Variants in SP4 observed in about 807,000 individuals in gnomAD.
SP4 encodes the protein transcription factor Sp4.
SP4 carries 19 observed loss-of-function variants against 72.8 expected under a neutral mutation model. The ratio of observed to expected loss-of-function variants is 0.26; its 90% CI spans 0.18 to 0.38. The LOEUF (loss-of-function observed/expected upper bound fraction) is 0.38. SP4 is among the 10% of genes least tolerant of loss of function. SP4 has a pLI of 1.00. For synonymous variants in SP4, 395 were observed against 333.1 expected, an observed-to-expected ratio of 1.19 and a Z score of -2.02; for missense variants, 1,008 against 926.3, an observed-to-expected ratio of 1.09 and a Z score of -1.14.
At chr7:21,482,710 T>C in intron 5 of SP4, 1 of 976,406 alleles carries the variant, frequency 1.0e-6, no homozygotes, top group Non-Finnish European at 1.2e-6. Context: ...ACACTTTTAA[T>C]ACTCTGACAT....
intron 3 of SP4, among the ~76,000 whole-genome samples, chr7:21,446,823 C>CTTT (rs34433968): frequency 3.1e-4 from 46 of 148,460 alleles, no homozygotes; most frequent in African/African-American, 8.4e-4. Context: ...TTGACAAATT[C>CTTT]TTTTTTTTTT....
At position 21,513,361 on chromosome 7, in the gene SP4, C is replaced by A. The variant is rs1782195689; in HGVS notation, c.*2092C>A. The stretch of plus-strand genomic sequence containing the variant: ...TCTTAAAGCTTTTGTAGACTTGTAA[C>A]AGAGTCTTTAAATTTAAGTTGGATT... On this transcript the variant is annotated 3_prime_UTR_variant, in exon 6 of 6. Transcript: ENST00000222584. 1 of 152,536 alleles carries A rather than the reference C, an allele frequency of 6.6e-6. No homozygotes were observed. The highest frequency in any genetic ancestry group is 2.4e-5 in the African/African-American group (1 of 41,432). 9.4% of individuals were successfully genotyped at this position (152,536 alleles called of 1,614,324 possible). A position where few individuals can be genotyped will look rare whatever the true frequency, so the allele number is the denominator to read the frequency against.
chr7:21,501,372 G>A (rs1781859077), intron 5 of SP4, among the ~76,000 whole-genome samples: 1 of 151,950 alleles, frequency 6.6e-6, no homozygotes, highest in African/African-American at 2.4e-5. Context: ...ACTTCCTTCG[G>A]TCTCATTTTC....
At chr7:21,439,117 A>G (rs370850497) in intron 3 of SP4, among the ~76,000 whole-genome samples, 1 of 152,160 alleles carries the variant, frequency 6.6e-6, no homozygotes, top group African/African-American at 2.4e-5. Context: ...CCCTCTGATA[A>G]GGGGGGACTG....
chr7:21,457,083 C>T (rs999393538), intron 3 of SP4, among the ~76,000 whole-genome samples: 1 of 152,166 alleles, frequency 6.6e-6, no homozygotes, highest in Non-Finnish European at 1.5e-5. Flanking sequence ...CACATGTCAC[C>T]AAAGTATGTA....
rs77546183 is a variant in SP4, at chr7:21,434,959, A to G, written c.1678+4116A>G. On this transcript the variant is annotated intron_variant, in intron 3 of 5. Transcript: ENST00000222584. ...GCTCCTTTATTTTAACTAAGTGAGG[A>G]GAGTTAACTACCTGTTTTCACAATG... is the stretch of plus-strand genomic sequence containing the variant. 1.3e-4 allele frequency among the ~76,000 whole-genome samples: 20 copies of G among 152,320 alleles called. No homozygotes were observed. In the East Asian group the frequency reaches 3.9e-3, roughly 29 times the overall value.
In SP4 at chr7:21,428,128, C is replaced by T; in HGVS notation, c.-124C>T. ...CGCGGAAAAAGAGGCAGAGCCTGTG[C>T]CAGCTACAGCCTCCTCCGAGCCACC... On this transcript the variant is annotated 5_prime_UTR_variant, in exon 1 of 6. Coordinates refer to ENST00000222584, the MANE Select transcript of SP4 (RefSeq NM_003112.5). The T allele has an allele frequency of 1.4e-6, 1 of 712,908 alleles. No individual in the cohort carries two copies. The highest frequency in any genetic ancestry group is 1.5e-5 in the South Asian group (1 of 67,040). The allele number at this position is 712,908 out of a possible 1,614,324, so 44.2% of individuals were successfully genotyped here.
chr7:21,457,292 T>C (rs1783797019), intron 3 of SP4, among the ~76,000 whole-genome samples: 1 of 152,210 alleles, frequency 6.6e-6, no homozygotes, highest in South Asian at 2.1e-4. Context: ...GATGCTCTTA[T>C]TGCCCCAACT....
At chr7:21,468,347 T>A (rs1015052495) in intron 3 of SP4, among the ~76,000 whole-genome samples, 1 of 152,150 alleles carries the variant, frequency 6.6e-6, no homozygotes, top group African/African-American at 2.4e-5. Context: ...TAGAATAATT[T>A]TGGAAGAATT....
At chr7:21,475,117 T>G (rs2128408680) in intron 3 of SP4, among the ~76,000 whole-genome samples, 1 of 151,850 alleles carries the variant, frequency 6.6e-6, no homozygotes, top group Non-Finnish European at 1.5e-5. Context: ...TTTTTTGTTT[T>G]TTGTTTTTTT....
In SP4 at chr7:21,494,401, A is replaced by C. The variant is rs74605753; in HGVS notation, c.2107+12278A>C. Among the ~76,000 whole-genome samples, 587 of 152,318 alleles carry C rather than the reference A, an allele frequency of 3.9e-3. 3 individuals carry two copies. Among genetic ancestry groups the C allele is most frequent in the African/African-American group, 0.013 (530 of 41,584 alleles). ...TAGCAAATCCGTGGTGCCTACCAAA[A>C]AGCTTTTTGAACTAGTGAGTTTGGC... On this transcript the variant is annotated intron_variant, in intron 5 of 5. Transcript: ENST00000222584.
chr7:21,483,089 T>A (rs966546992), intron 5 of SP4, among the ~76,000 whole-genome samples: 1 of 152,116 alleles, frequency 6.6e-6, no homozygotes, highest in African/African-American at 2.4e-5. Flanking sequence ...AGTTTCCACT[T>A]TGTGCTCACC....
At chr7:21,472,499 C>G (rs1453331362) in intron 3 of SP4, among the ~76,000 whole-genome samples, 1 of 151,948 alleles carries the variant, frequency 6.6e-6, no homozygotes, top group Non-Finnish European at 1.5e-5. Context: ...CACTGCGTTG[C>G]CTAGGTTGGT....
At chr7:21,465,539 C>T (rs1177791821) in intron 3 of SP4, among the ~76,000 whole-genome samples, 3 of 152,160 alleles carry the variant, frequency 2.0e-5, no homozygotes, top group Admixed American at 6.5e-5. Flanking sequence ...TCGATTATAG[C>T]CATTTAGTAA....
chr7:21,442,405 G>A (rs1176233044), intron 3 of SP4, among the ~76,000 whole-genome samples: 1 of 152,092 alleles, frequency 6.6e-6, no homozygotes, highest in Non-Finnish European at 1.5e-5. Context: ...TTAATTAGCA[G>A]AACTTTTTTC....
chr7:21,502,042 C>CA (rs1171927805), intron 5 of SP4, among the ~76,000 whole-genome samples: 11 of 41,776 alleles, frequency 2.6e-4, no homozygotes, highest in Admixed American at 4.0e-4. Flanking sequence ...CATTAGGCAC[C>CA]CCCCCCCCCC....
intron 3 of SP4, among the ~76,000 whole-genome samples, chr7:21,445,205 G>A (rs1783383301): frequency 6.6e-6 from 1 of 152,040 alleles, no homozygotes. Flanking sequence ...GCCCAAAAGA[G>A]GGAGTCTTGT....
intron 4 of SP4, among the ~76,000 whole-genome samples, chr7:21,478,822 C>T (rs776181391): frequency 6.6e-6 from 1 of 152,162 alleles, no homozygotes; most frequent in African/African-American, 2.4e-5. Flanking sequence ...GTAATCCCAG[C>T]ACTTCGGGAG....
At chr7:21,434,130 C>T (rs1782967882) in intron 3 of SP4, among the ~76,000 whole-genome samples, 1 of 151,978 alleles carries the variant, frequency 6.6e-6, no homozygotes, top group African/African-American at 2.4e-5. Context: ...CATGTTGTTC[C>T]CCAGGAGAAT....
Sources: allele counts gnomAD v4.1 joint callset (sites outside exome capture counted in the v4.1 genomes callset), GRCh38; gene constraint gnomAD v4.1.1; transcripts MANE v1.5; gene names NCBI Gene and HGNC (gene_info 2026-07-23, HGNC 2026-07-21).